Variants in CAPN8 observed in about 807,000 individuals in gnomAD.
CAPN8 encodes calpain 8.
In CAPN8, 87 loss-of-function variants were observed where a neutral mutation model predicts 80.9. The ratio of observed to expected loss-of-function variants is 1.07; its 90% confidence interval spans 0.90 to 1.28. The LOEUF is 1.28. CAPN8 is among the 50% of genes most tolerant of loss of function. The probability of loss-of-function intolerance (pLI) is 0.00; values close to 1 mark genes in which losing one functional copy is unlikely to be tolerated. For synonymous variants in CAPN8, 299 were observed against 273.8 expected (o/e 1.09, Z -0.91); for missense variants, 757 against 702.0 (o/e 1.08, Z -0.89).
At chr1:223,655,020 G>A (rs1658445259) in intron 1 of CAPN8, among the ~76,000 whole-genome samples, 1 of 151,952 alleles carries the variant, frequency 6.6e-6, no homozygotes, top group East Asian at 1.9e-4. Context: ...TATGTGTGGT[G>A]TGGGTGTGTG....
At chr1:223,638,685 C>G (rs1289005516) in intron 2 of CAPN8, among the ~76,000 whole-genome samples, 1 of 152,122 alleles carries the variant, frequency 6.6e-6, no homozygotes, top group Non-Finnish European at 1.5e-5. Flanking sequence ...TCTGTGGTCC[C>G]TACTCTCCCT....
intron 6 of CAPN8, among the ~76,000 whole-genome samples, chr1:223,624,492 C>T (rs542517409): frequency 1.1e-4 from 16 of 151,952 alleles, no homozygotes; most frequent in Non-Finnish European, 1.8e-4. Context: ...ATGGCTTGAA[C>T]CCAGGAGTTC....
At chr1:223,609,858 T>C (rs1359758793) in intron 11 of CAPN8, among the ~76,000 whole-genome samples, 2 of 152,180 alleles carry the variant, frequency 1.3e-5, no homozygotes, top group Non-Finnish European at 2.9e-5. Flanking sequence ...GAGACTAGGA[T>C]GGTCAGTCTG....
At chr1:223,542,949 C>T (rs1347516560) in intron 20 of CAPN8, among the ~76,000 whole-genome samples, 159 bp downstream of exon 20, 1 of 152,158 alleles carries the variant, frequency 6.6e-6, no homozygotes, top group Non-Finnish European at 1.5e-5. Context: ...AACTGTATAA[C>T]AGTTGCCTTC....
chr1:223,624,278 C>G (rs1657498850), intron 6 of CAPN8, among the ~76,000 whole-genome samples: 1 of 152,208 alleles, frequency 6.6e-6, no homozygotes, highest in Non-Finnish European at 1.5e-5. Flanking sequence ...GTGGGACATT[C>G]ATTGCATTTC....
chr1:223,621,365 T>C (rs570269979), intron 7 of CAPN8, among the ~76,000 whole-genome samples: 1 of 152,014 alleles, frequency 6.6e-6, no homozygotes, highest in South Asian at 2.1e-4. Flanking sequence ...CCAGGTTGCA[T>C]CTCCAGCTGG....
intron 8 of CAPN8, among the ~76,000 whole-genome samples, 164 bp from the exon 9 acceptor site, chr1:223,619,617 C>T (rs779553261): frequency 1.5e-4 from 23 of 152,206 alleles, no homozygotes; most frequent in Non-Finnish European, 2.4e-4. Flanking sequence ...AGACAACAGT[C>T]CACATTCTTC....
rs1157350567 is a variant in CAPN8, at chr1:223,541,904, TG to T, written c.2089-46del. The T allele has an allele frequency of 1.9e-6, 3 of 1,551,206 alleles. No homozygotes were observed. The Admixed American group carries it at 5.9e-5, about 30-fold the overall frequency. On this transcript the variant is annotated intron_variant, in intron 20 of 20. Transcript: ENST00000366872. ...GATTGAGTCTTGGCTTCTCAGGGGC[TG>T]GTGTGCTTTCACCATTGATGCTCTC... is the stretch of plus-strand genomic sequence containing the variant.
In CAPN8 at chr1:223,542,878, T is replaced by A. The variant is rs1373666780; in HGVS notation, c.2088+230A>T. Among the ~76,000 whole-genome samples the A allele has an allele frequency of 2.6e-5, 4 of 152,170 alleles. No individual in the cohort carries two copies. In the South Asian group the frequency reaches 8.3e-4, roughly 31 times the overall value. On this transcript the variant is annotated intron_variant, in intron 20 of 20. Transcript: ENST00000366872. Reference sequence around the variant, plus strand: ...AAGGGCTTGCATCTCCGAAATTATCTGAAATGTAGCTGTAGCTTTATCTTT... The same window carrying A: ...AAGGGCTTGCATCTCCGAAATTATCAGAAATGTAGCTGTAGCTTTATCTTT...
At chr1:223,645,060 G>A (rs988739715) in intron 2 of CAPN8, among the ~76,000 whole-genome samples, 12 of 152,180 alleles carry the variant, frequency 7.9e-5, no homozygotes, top group African/African-American at 2.9e-4. Flanking sequence ...AAGCAGGGAA[G>A]CCAACAGCGC....
chr1:223,651,153 G>A (rs1184109900), intron 2 of CAPN8, among the ~76,000 whole-genome samples: 1 of 152,180 alleles, frequency 6.6e-6, no homozygotes, highest in African/African-American at 2.4e-5. Flanking sequence ...GGTGAGAACA[G>A]GCTCCACTGA....
intron 2 of CAPN8, among the ~76,000 whole-genome samples, chr1:223,632,243 G>A (rs1481330262): frequency 6.6e-6 from 1 of 152,200 alleles, no homozygotes; most frequent in Non-Finnish European, 1.5e-5. Context: ...CGTTTTCAAA[G>A]GAATATATCC....
At chr1:223,655,487 G>A (rs1325042147) in intron 1 of CAPN8, among the ~76,000 whole-genome samples, 1 of 152,256 alleles carries the variant, frequency 6.6e-6, no homozygotes, top group African/African-American at 2.4e-5. Context: ...GGCAGGCAGG[G>A]GAAAGAGGGA....
At chr1:223,642,941 T>C in intron 2 of CAPN8, 2 of 380,052 alleles carry the variant, frequency 5.3e-6, no homozygotes, top group Non-Finnish European at 1.0e-5. Flanking sequence ...AGGGAAACAT[T>C]TTTCTTAGTA....
intron 2 of CAPN8, among the ~76,000 whole-genome samples, chr1:223,632,556 G>T (rs934663908): frequency 7.9e-5 from 12 of 152,062 alleles, no homozygotes; most frequent in Non-Finnish European, 1.5e-4. Flanking sequence ...TAAATACAGA[G>T]CTGGGGTCTC....
At chr1:223,657,256 C>T (rs1332085264) in intron 1 of CAPN8, among the ~76,000 whole-genome samples, 3 of 151,976 alleles carry the variant, frequency 2.0e-5, no homozygotes, top group Non-Finnish European at 2.9e-5. Context: ...ATGTTCACCC[C>T]GGGTGCCCAA....
chr1:223,639,804 A>G (rs1658001005), intron 2 of CAPN8, among the ~76,000 whole-genome samples: 1 of 152,244 alleles, frequency 6.6e-6, no homozygotes, highest in African/African-American at 2.4e-5. Flanking sequence ...CAAAGTGGCT[A>G]TTTAATGCCC....
At chr1:223,610,721 C>T (rs941439876) in intron 11 of CAPN8, among the ~76,000 whole-genome samples, 1 of 152,090 alleles carries the variant, frequency 6.6e-6, no homozygotes, top group Non-Finnish European at 1.5e-5. Flanking sequence ...AGACTCTGTC[C>T]TACTAGGGAC....
intron 2 of CAPN8, among the ~76,000 whole-genome samples, chr1:223,634,523 G>A (rs140724728): frequency 1.4e-3 from 214 of 152,302 alleles, no homozygotes; most frequent in African/African-American, 4.9e-3. Flanking sequence ...GAAACCACCT[G>A]TTTTAGTCCA....
Sources: allele counts gnomAD v4.1 joint callset (sites outside exome capture counted in the v4.1 genomes callset), GRCh38; gene constraint gnomAD v4.1.1; transcripts MANE v1.5; gene names NCBI Gene and HGNC (gene_info 2026-07-23, HGNC 2026-07-21).